PHF21A: variants seen among roughly 807,000 people sequenced by gnomAD.
The protein encoded by PHF21A is PHD finger protein 21A.
PHF21A carries 11 observed loss-of-function variants against 82.5 expected under a neutral mutation model. That is an observed-to-expected ratio of 0.13 (90% CI 0.08 to 0.22). The LOEUF is 0.22. PHF21A is among the 10% of genes least tolerant of loss of function. PHF21A has a pLI of 1.00. For synonymous variants in PHF21A, 297 were observed against 302.8 expected, an observed-to-expected ratio of 0.98 and a Z score of 0.20; for missense variants, 579 against 837.8, an observed-to-expected ratio of 0.69 and a Z score of 3.81.
intron 7 of PHF21A, among the ~76,000 whole-genome samples, chr11:45,977,388 C>T (rs550095208): frequency 6.6e-6 from 1 of 152,222 alleles, no homozygotes; most frequent in South Asian, 2.1e-4. Context: ...CCACCCACCT[C>T]GGCCTCCCAA....
chr11:45,934,371 C>T, intron 18 of PHF21A, 146 bp from the exon 19 acceptor site: 2 of 792,596 alleles, frequency 2.5e-6, no homozygotes, highest in South Asian at 3.5e-5. Context: ...CTGTGTTCCT[C>T]AGTGGAGTGG....
intron 1 of PHF21A, chr11:46,117,437 T>C (rs548154896): frequency 1.3e-5 from 2 of 152,236 alleles, no homozygotes; most frequent in Non-Finnish European, 2.9e-5. Context: ...CTGATACAAC[T>C]TGACTTACAG....
At chr11:46,023,860 G>A (rs1332213229) in intron 6 of PHF21A, among the ~76,000 whole-genome samples, 59 of 152,314 alleles carry the variant, frequency 3.9e-4, no homozygotes, top group Non-Finnish European at 1.2e-4. Context: ...GGAGGCTAAG[G>A]CAGGAAAATT....
intron 6 of PHF21A, among the ~76,000 whole-genome samples, chr11:46,018,198 T>C (rs4756050): frequency 0.49 from 69,843 of 143,836 alleles, 19,133 homozygotes; most frequent in African/African-American, 0.79. Flanking sequence ...TGCAGTGAGC[T>C]GAGATTGCGC....
At chr11:46,025,912 G>C (rs185194730) in intron 6 of PHF21A, among the ~76,000 whole-genome samples, 2 of 152,184 alleles carry the variant, frequency 1.3e-5, no homozygotes, top group African/African-American at 4.8e-5. Context: ...TATTGTAGGC[G>C]AAGACATTTC....
chr11:46,079,027 AT>A (rs1480823588), intron 5 of PHF21A, 106 bp downstream of exon 5: 2 of 632,120 alleles, frequency 3.2e-6, no homozygotes, highest in Non-Finnish European at 5.3e-6. Context: ...TAGAAATGAA[AT>A]AATTCTTAAA....
At chr11:45,986,558 A>G (rs1158134811) in intron 6 of PHF21A, among the ~76,000 whole-genome samples, 1 of 152,216 alleles carries the variant, frequency 6.6e-6, no homozygotes, top group Non-Finnish European at 1.5e-5. Flanking sequence ...TGGTAGTTGT[A>G]ATATATTTAT....
intron 15 of PHF21A, among the ~76,000 whole-genome samples, chr11:45,941,376 C>T (rs1334830091): frequency 6.6e-6 from 1 of 152,168 alleles, no homozygotes; most frequent in Non-Finnish European, 1.5e-5. Context: ...CATATTAAAA[C>T]ATTTTTAAAC....
chr11:45,951,712 C>T (rs1424133038), intron 11 of PHF21A, among the ~76,000 whole-genome samples: 1 of 152,098 alleles, frequency 6.6e-6, no homozygotes, highest in African/African-American at 2.4e-5. Flanking sequence ...GTAACAGCAC[C>T]CTTATTGGCC....
intron 10 of PHF21A, among the ~76,000 whole-genome samples, chr11:45,959,985 T>C (rs958038612): frequency 1.3e-5 from 2 of 152,134 alleles, no homozygotes; most frequent in Non-Finnish European, 2.9e-5. Flanking sequence ...CAACACTACT[T>C]TGCACCCACT....
intron 5 of PHF21A, 84 bp downstream of exon 5, chr11:46,079,050 A>T: frequency 2.6e-6 from 2 of 759,960 alleles, no homozygotes; most frequent in East Asian, 5.6e-5. Context: ...GTTAAGTACC[A>T]TCTATATTTA....
intron 6 of PHF21A, among the ~76,000 whole-genome samples, chr11:46,064,844 C>T (rs911454476): frequency 6.6e-6 from 1 of 152,064 alleles, no homozygotes; most frequent in African/African-American, 2.4e-5. Flanking sequence ...AATGGATTTA[C>T]CCTTCTAATA....
chr11:46,070,382 G>A (rs2096642736), intron 6 of PHF21A, among the ~76,000 whole-genome samples: 1 of 151,760 alleles, frequency 6.6e-6, no homozygotes, highest in Admixed American at 6.6e-5. Context: ...CCAGGCTGGA[G>A]TGCAGTGGCA....
intron 1 of PHF21A, among the ~76,000 whole-genome samples, chr11:46,106,722 G>A (rs984369795): frequency 1.3e-5 from 2 of 152,190 alleles, no homozygotes; most frequent in South Asian, 2.1e-4. Flanking sequence ...CAGAGAAGAC[G>A]CTTACCAAGC....
chr11:45,972,596 G>A (rs1422146097), intron 7 of PHF21A, among the ~76,000 whole-genome samples: 1 of 152,182 alleles, frequency 6.6e-6, no homozygotes, highest in Non-Finnish European at 1.5e-5. Context: ...TGGTCAACAT[G>A]GCGAAAGCCC....
At chr11:45,942,260 G>A (rs2090497294) in intron 15 of PHF21A, among the ~76,000 whole-genome samples, 1 of 152,210 alleles carries the variant, frequency 6.6e-6, no homozygotes, top group Non-Finnish European at 1.5e-5. Context: ...CTTAGTTTGT[G>A]AGTTGATGAG....
chr11:45,963,019 G>A (rs1294083118), intron 10 of PHF21A, among the ~76,000 whole-genome samples: 1 of 151,992 alleles, frequency 6.6e-6, no homozygotes, highest in Non-Finnish European at 1.5e-5. Flanking sequence ...TGAAGGCCAC[G>A]ACAGGAAAAG....
intron 10 of PHF21A, among the ~76,000 whole-genome samples, chr11:45,958,746 T>C (rs933313805): frequency 1.3e-5 from 2 of 151,832 alleles, no homozygotes; most frequent in Non-Finnish European, 1.5e-5. Flanking sequence ...TGAGACCCCA[T>C]CTCTACATAA....
At chr11:46,044,312 AG>A (rs901912126) in intron 6 of PHF21A, among the ~76,000 whole-genome samples, 57 of 152,264 alleles carry the variant, frequency 3.7e-4, no homozygotes, top group African/African-American at 1.3e-3. Flanking sequence ...GGAAAAAAAA[AG>A]AAAATTCATG....
Sources: gnomAD v4.1 joint callset for allele counts (sites outside exome capture counted in the v4.1 genomes callset) on GRCh38, gnomAD v4.1.1 for gene constraint, MANE v1.5 for transcripts, NCBI Gene and HGNC (gene_info 2026-07-23, HGNC 2026-07-21) for gene names.